SHISA9: variants seen among roughly 807,000 people sequenced by gnomAD.
The protein encoded by SHISA9 is protein shisa-9.
A neutral mutation model predicts 38.0 loss-of-function variants in SHISA9; 13 were observed. The observed-to-expected ratio is 0.34, with a 90% CI of 0.22 to 0.54. The LOEUF is 0.54. Among genes scored for constraint, SHISA9 ranks in the 20% least tolerant of loss-of-function variants. The probability of loss-of-function intolerance (pLI) is 0.91; values close to 1 mark genes in which losing one functional copy is unlikely to be tolerated. For synonymous variants in SHISA9, 275 were observed against 242.0 expected (o/e 1.14, Z -1.27); for missense variants, 538 against 575.8 (o/e 0.93, Z 0.67).
chr16:13,257,298 A>G, the SHISA9 span, among the ~76,000 whole-genome samples: 1 of 152,192 alleles, frequency 6.6e-6, no homozygotes, highest in African/African-American at 2.4e-5. Flanking sequence ...AATGCAATTA[A>G]GCTGATCAAG....
chr16:13,458,599 C>T, the SHISA9 span: 3 of 390,638 alleles, frequency 7.7e-6, no homozygotes, highest in South Asian at 6.2e-5. Context: ...ACTTAGAATC[C>T]AGCTAAGAGA....
At chr16:13,473,233 ATT>A in the SHISA9 span, among the ~76,000 whole-genome samples, 2 of 151,244 alleles carry the variant, frequency 1.3e-5, no homozygotes, top group Non-Finnish European at 2.9e-5. Flanking sequence ...GATTTGGGCT[ATT>A]TTCCATTACC....
At chr16:13,488,930 C>T in the SHISA9 span, among the ~76,000 whole-genome samples, 26 of 152,168 alleles carry the variant, frequency 1.7e-4, no homozygotes, top group African/African-American at 5.8e-4. Flanking sequence ...CCTGCCACCA[C>T]GCCTGGCTAA....
chr16:13,086,460 A>G (rs900699032), intron 2 of SHISA9, among the ~76,000 whole-genome samples: 2 of 152,106 alleles, frequency 1.3e-5, no homozygotes, highest in Admixed American at 1.3e-4. Context: ...GAGGTAGTAA[A>G]TTGAAAGACA....
At chr16:13,410,524 A>G in the SHISA9 span, among the ~76,000 whole-genome samples, 2 of 152,190 alleles carry the variant, frequency 1.3e-5, no homozygotes, top group Non-Finnish European at 2.9e-5. Flanking sequence ...GGCTTAACAG[A>G]TATGGGTTGT....
chr16:12,919,048 C>T (rs1015794724), intron 2 of SHISA9, among the ~76,000 whole-genome samples: 2 of 152,056 alleles, frequency 1.3e-5, no homozygotes, highest in African/African-American at 4.8e-5. Context: ...ATTATAGATA[C>T]AGAAAAACAT....
intron 3 of SHISA9, among the ~76,000 whole-genome samples, chr16:13,205,928 ATTT>A (rs79183056): frequency 7.2e-6 from 1 of 139,834 alleles, no homozygotes; most frequent in African/African-American, 2.6e-5. Context: ...TGCCTGGCTA[ATTT>A]TTTTTTTTTT....
intron 2 of SHISA9, among the ~76,000 whole-genome samples, chr16:12,922,568 G>A (rs2071341167): frequency 6.6e-6 from 1 of 152,232 alleles, no homozygotes; most frequent in Admixed American, 6.5e-5. Context: ...TACCCAGGTT[G>A]GAGTGCAGGG....
the SHISA9 span, among the ~76,000 whole-genome samples, chr16:13,517,993 C>T: frequency 2.6e-5 from 4 of 152,258 alleles, no homozygotes; most frequent in East Asian, 3.9e-4. Flanking sequence ...CCCTTATTGC[C>T]GGGTTGCTGA....
the SHISA9 span, among the ~76,000 whole-genome samples, chr16:13,546,226 A>G: frequency 6.6e-6 from 1 of 152,062 alleles, no homozygotes; most frequent in Non-Finnish European, 1.5e-5. Flanking sequence ...CCAAGCAACC[A>G]CCATCTCTTA....
At chr16:13,430,876 G>C in the SHISA9 span, among the ~76,000 whole-genome samples, 2 of 149,584 alleles carry the variant, frequency 1.3e-5, no homozygotes, top group Admixed American at 1.3e-4. Flanking sequence ...CTATTATTGT[G>C]TCACTGCACT....
At chr16:12,961,172 T>C (rs2071906843) in intron 2 of SHISA9, among the ~76,000 whole-genome samples, 1 of 152,080 alleles carries the variant, frequency 6.6e-6, no homozygotes, top group Non-Finnish European at 1.5e-5. Context: ...GACAGTGGAA[T>C]AGCAACCCAG....
the SHISA9 span, among the ~76,000 whole-genome samples, chr16:13,279,672 G>C: frequency 1.3e-5 from 2 of 151,864 alleles, no homozygotes; most frequent in African/African-American, 4.8e-5. Context: ...CCAGGCAGTC[G>C]ATAGTATCAT....
chr16:13,513,211 A>G, the SHISA9 span, among the ~76,000 whole-genome samples: 4 of 152,246 alleles, frequency 2.6e-5, no homozygotes, highest in African/African-American at 9.6e-5. Context: ...ATGAAAAGAC[A>G]CTTCTCAAAA....
intron 2 of SHISA9, among the ~76,000 whole-genome samples, chr16:13,161,662 G>T (rs1007670185): frequency 5.9e-5 from 9 of 152,132 alleles, no homozygotes; most frequent in Non-Finnish European, 1.3e-4. Flanking sequence ...CTGCATTCTA[G>T]GTCCTTTATC....
chr16:12,946,661 T>G (rs2071691983), intron 2 of SHISA9, among the ~76,000 whole-genome samples: 1 of 152,240 alleles, frequency 6.6e-6, no homozygotes. Flanking sequence ...AGTCCCCGGC[T>G]CTGGCTGTCC....
In SHISA9 at chr16:12,901,977, C is replaced by A; in HGVS notation, c.-88C>A. On this transcript the variant is annotated 5_prime_UTR_variant, in exon 1 of 5. Transcript: ENST00000558583. ...CGCGGCGGCTCGCAGCTCCCGGCAGCAGCCTCGGCAGCTTCGGCCGCGCCT... is the reference window on the plus strand; with the variant it reads ...CGCGGCGGCTCGCAGCTCCCGGCAGAAGCCTCGGCAGCTTCGGCCGCGCCT... 1 of 1,160,002 alleles carries A rather than the reference C, an allele frequency of 8.6e-7. No homozygotes were observed. The highest frequency in any genetic ancestry group is 1.1e-6 in the Non-Finnish European group (1 of 904,016). 71.9% of individuals were successfully genotyped at this position (1,160,002 alleles called of 1,614,324 possible). A position where few individuals can be genotyped will look rare whatever the true frequency, so the allele number is the denominator to read the frequency against.
intron 2 of SHISA9, among the ~76,000 whole-genome samples, chr16:13,062,333 C>G (rs1377284013): frequency 6.6e-6 from 1 of 152,134 alleles, no homozygotes; most frequent in Non-Finnish European, 1.5e-5. Context: ...TCAGATAAAT[C>G]CTATGGACAA....
At chr16:13,430,815 A>C in the SHISA9 span, among the ~76,000 whole-genome samples, 1 of 151,352 alleles carries the variant, frequency 6.6e-6, no homozygotes. Context: ...GCTACTTGGG[A>C]GGTCAAGGTG....
Sources: allele counts gnomAD v4.1 joint callset (sites outside exome capture counted in the v4.1 genomes callset), GRCh38; gene constraint gnomAD v4.1.1; transcripts MANE v1.5; gene names NCBI Gene and HGNC (gene_info 2026-07-23, HGNC 2026-07-21).